The following METTL8 variants were observed in gnomAD, a reference collection of about 807,000 sequenced individuals.
METTL8 encodes methyltransferase 8, tRNA N3-cytidine.
In METTL8, 32 loss-of-function variants were observed where a neutral mutation model predicts 48.7. The ratio of observed to expected loss-of-function variants is 0.66; its 90% confidence interval spans 0.50 to 0.88. The LOEUF (loss-of-function observed/expected upper bound fraction) is 0.88. Ranked by LOEUF, METTL8 falls within the 40% of genes least tolerant of loss-of-function variation. METTL8 has a pLI of 0.00. For synonymous variants in METTL8, 136 were observed against 157.1 expected (o/e 0.87, Z 1.01); for missense variants, 464 against 474.4 (o/e 0.98, Z 0.20).
chr2:171,401,038 A>C (rs895725866), intron 1 of METTL8, among the ~76,000 whole-genome samples: 1 of 152,110 alleles, frequency 6.6e-6, no homozygotes, highest in Admixed American at 6.6e-5. Context: ...CTGAGTTCTG[A>C]GTATCCTTTA....
At chr2:171,426,394 TA>T (rs1198509424) in intron 1 of METTL8, among the ~76,000 whole-genome samples, 1 of 152,190 alleles carries the variant, frequency 6.6e-6, no homozygotes, top group Non-Finnish European at 1.5e-5. Context: ...TTTATTTATC[TA>T]AAGAGGAAAG....
intron 2 of METTL8, among the ~76,000 whole-genome samples, chr2:171,373,994 T>C (rs1686667640): frequency 1.3e-5 from 2 of 152,162 alleles, no homozygotes; most frequent in Admixed American, 1.3e-4. Context: ...AACTTTAAAG[T>C]AGTTTTTTCC....
intron 2 of METTL8, among the ~76,000 whole-genome samples, chr2:171,363,473 C>T (rs987034729): frequency 1.3e-5 from 2 of 151,646 alleles, no homozygotes; most frequent in African/African-American, 4.8e-5. Context: ...AAGTATTTAA[C>T]AGTAATAAAA....
Position 171,326,327 on chromosome 2 carries a change from CT to C in METTL8, c.861-180del. On this transcript the variant is annotated intron_variant, in intron 7 of 9. Coordinates refer to ENST00000375258, the MANE Select transcript of METTL8 (RefSeq NM_001321154.2). ...GTAAAGAAGAAAAAACCAAAACCAA[CT>C]TGCTAAATGACTAGATTCAAAAGTC... 10 of 540,724 alleles carry C rather than the reference CT, an allele frequency of 1.8e-5. No individual in the cohort carries two copies. In the South Asian group the frequency reaches 2.9e-4, roughly 16 times the overall value. 33.5% of individuals were successfully genotyped at this position (540,724 alleles called of 1,614,324 possible). A position where few individuals can be genotyped will look rare whatever the true frequency, so the allele number is the denominator to read the frequency against.
chr2:171,382,762 AAAAC>A (rs369712510), intron 2 of METTL8, among the ~76,000 whole-genome samples: 158 of 152,216 alleles, frequency 1.0e-3, no homozygotes, highest in South Asian at 6.8e-3. Flanking sequence ...AAACTACAAA[AAAAC>A]AAACAAACAA....
Position 171,339,238 on chromosome 2 carries a change from T to C in METTL8, c.552A>G (p.Gly184=). The part of the protein sequence containing the change: ...SNLDSEKHKK[G]PMETGLFPGS... ...CAGGAAACAATCCAGTCTCCATAGG[T>C]CCTTTTTTGTGTTTTTCAGAGTCTA... The change falls in exon 4 of 10, where the codon GGA becomes GGG. Residue 184 remains glycine, a synonymous_variant. Transcript: ENST00000375258. 2 of 1,604,552 alleles carry C rather than the reference T, an allele frequency of 1.2e-6. No homozygotes were observed. Among genetic ancestry groups the C allele is most frequent in the Non-Finnish European group, 1.7e-6 (2 of 1,175,418 alleles).
intron 2 of METTL8, among the ~76,000 whole-genome samples, chr2:171,361,211 AAG>A (rs1685130542): frequency 6.6e-6 from 1 of 151,806 alleles, no homozygotes; most frequent in Non-Finnish European, 1.5e-5. Flanking sequence ...AACTGTATAC[AAG>A]AAAGGTAATT....
chr2:171,336,309 C>G (rs539142319), intron 5 of METTL8, among the ~76,000 whole-genome samples: 1 of 146,254 alleles, frequency 6.8e-6, no homozygotes, highest in Non-Finnish European at 1.5e-5. Flanking sequence ...GTTGGCCAGG[C>G]TGGTCTCGAA....
rs536038792 is a variant in METTL8 at position 171,379,731 on chromosome 2, A to G, written c.143+12312T>C. On this transcript the variant is annotated intron_variant, in intron 2 of 9. Transcript: ENST00000375258. ...AAGTTCAATCCTTGAATAGACCAAT[A>G]ACAAGTTCTGAAATTGAGGCAGTAA... 2.6e-5 allele frequency among the ~76,000 whole-genome samples: 4 copies of G among 152,298 alleles called. No homozygotes were observed. In the South Asian group the frequency reaches 8.3e-4, roughly 32 times the overall value.
chr2:171,334,223 T>C (rs570293056), intron 5 of METTL8, among the ~76,000 whole-genome samples: 23 of 152,312 alleles, frequency 1.5e-4, no homozygotes, highest in African/African-American at 3.1e-4. Context: ...ACCCATAAGA[T>C]ATAGAACAGT....
chr2:171,403,084 GTAAA>G (rs1173850351), intron 1 of METTL8, among the ~76,000 whole-genome samples: 1 of 152,150 alleles, frequency 6.6e-6, no homozygotes, highest in Non-Finnish European at 1.5e-5. Context: ...AATAATTTAT[GTAAA>G]TAAATACTCT....
In METTL8 at chr2:171,353,601, C is replaced by CTAAGTG. The variant is rs759190957; in HGVS notation, c.235+6820_235+6821insCACTTA. Among the ~76,000 whole-genome samples the CTAAGTG allele has an allele frequency of 1.7e-4, 26 of 152,210 alleles. No homozygotes were observed. In the East Asian group the frequency reaches 3.7e-3, roughly 21 times the overall value. ...TCTTCCATTATTACTGTGTGGGAGTCTCTTTGTAGGTCTCTAAGGACTTGC... is the reference window on the plus strand; with the variant it reads ...TCTTCCATTATTACTGTGTGGGAGTCTAAGTGTCTTTGTAGGTCTCTAAGGACTTGC... On this transcript the variant is annotated intron_variant, in intron 3 of 9. Coordinates refer to ENST00000375258, the MANE Select transcript of METTL8 (RefSeq NM_001321154.2).
chr2:171,329,519 A>T (rs745798674), intron 7 of METTL8, among the ~76,000 whole-genome samples: 4 of 152,210 alleles, frequency 2.6e-5, no homozygotes, highest in Non-Finnish European at 5.9e-5. Context: ...CCTACAGTCT[A>T]AACAGATTAG....
At chr2:171,381,872 C>G (rs1267596017) in intron 2 of METTL8, among the ~76,000 whole-genome samples, 1 of 151,380 alleles carries the variant, frequency 6.6e-6, no homozygotes, top group East Asian at 1.9e-4. Context: ...ACCTCCACCT[C>G]CAGGGTTCAA....
chr2:171,421,316 G>A (rs1691849533), intron 1 of METTL8, among the ~76,000 whole-genome samples: 1 of 152,170 alleles, frequency 6.6e-6, no homozygotes, highest in African/African-American at 2.4e-5. Context: ...GGCACCACTT[G>A]TACTCCCAGC....
At chr2:171,338,723 A>G (rs1047250797) in intron 4 of METTL8, among the ~76,000 whole-genome samples, 2 of 152,046 alleles carry the variant, frequency 1.3e-5, no homozygotes, top group African/African-American at 4.8e-5. Flanking sequence ...GTGATAAATT[A>G]TCTCCTTGTT....
chr2:171,393,593 G>A (rs904461590), intron 1 of METTL8, among the ~76,000 whole-genome samples: 6 of 152,066 alleles, frequency 3.9e-5, no homozygotes, highest in Non-Finnish European at 7.4e-5. Context: ...GAAGCTCTAA[G>A]GTGCTTACTT....
At chr2:171,354,472 G>T (rs1441310658) in intron 3 of METTL8, among the ~76,000 whole-genome samples, 11 of 151,686 alleles carry the variant, frequency 7.3e-5, no homozygotes, top group Admixed American at 7.2e-4. Context: ...TCTTTGTGGC[G>T]TTCTCTGTAT....
intron 1 of METTL8, among the ~76,000 whole-genome samples, chr2:171,422,658 T>C (rs1691993847): frequency 6.6e-6 from 1 of 152,214 alleles, no homozygotes; most frequent in African/African-American, 2.4e-5. Context: ...GCAAAAGTCA[T>C]GATCAGGCTT....
Sources: gnomAD v4.1 joint callset for allele counts (sites outside exome capture counted in the v4.1 genomes callset) on GRCh38, gnomAD v4.1.1 for gene constraint, MANE v1.5 for transcripts, NCBI Gene and HGNC (gene_info 2026-07-23, HGNC 2026-07-21) for gene names.